Variants in BICC1 observed in about 807,000 individuals in gnomAD.
BICC1 encodes the protein BicC family RNA binding protein 1.
A neutral mutation model predicts 111.0 loss-of-function variants in BICC1; 43 were observed. That is an observed-to-expected ratio of 0.39 (90% confidence interval 0.30 to 0.50). The LOEUF (loss-of-function observed/expected upper bound fraction) is 0.50. Ranked by LOEUF, BICC1 falls within the 20% of genes least tolerant of loss-of-function variation. The pLI is 0.88. For synonymous variants in BICC1, 467 were observed against 434.4 expected (o/e 1.07, Z -0.93); for missense variants, 1,091 against 1,203.2 (o/e 0.91, Z 1.38).
intron 1 of BICC1, among the ~76,000 whole-genome samples, chr10:58,515,565 C>T (rs934069526): frequency 2.0e-5 from 3 of 152,062 alleles, no homozygotes; most frequent in Admixed American, 6.5e-5. Flanking sequence ...CATCACTAGG[C>T]GATAGGAATT....
At chr10:58,514,620 T>C (rs1842191564) in intron 1 of BICC1, among the ~76,000 whole-genome samples, 1 of 152,216 alleles carries the variant, frequency 6.6e-6, no homozygotes, top group East Asian at 1.9e-4. Flanking sequence ...TTGTTGCTTA[T>C]TTTTATTGAC....
intron 1 of BICC1, among the ~76,000 whole-genome samples, chr10:58,542,824 G>C (rs1843030184): frequency 6.6e-6 from 1 of 150,404 alleles, no homozygotes; most frequent in African/African-American, 2.5e-5. Context: ...GTATCACCTT[G>C]CACTCATTAG....
intron 2 of BICC1, among the ~76,000 whole-genome samples, chr10:58,693,874 C>G (rs1261818922): frequency 6.6e-6 from 1 of 152,112 alleles, no homozygotes; most frequent in Non-Finnish European, 1.5e-5. Context: ...AATTAGATCC[C>G]ATTTGTCAAT....
At chr10:58,536,001 A>C (rs2131868016) in intron 1 of BICC1, among the ~76,000 whole-genome samples, 1 of 151,916 alleles carries the variant, frequency 6.6e-6, no homozygotes, top group African/African-American at 2.4e-5. Flanking sequence ...TACAATGATA[A>C]AAGGATCCAA....
chr10:58,813,573 C>CA (rs956298285), intron 17 of BICC1, among the ~76,000 whole-genome samples: 24 of 152,162 alleles, frequency 1.6e-4, no homozygotes, highest in Admixed American at 3.9e-4. Context: ...CGGAGGCTCT[C>CA]AGAACTCTCC....
chr10:58,521,768 GTT>G (rs573116230), intron 1 of BICC1, among the ~76,000 whole-genome samples: 274 of 112,408 alleles, frequency 2.4e-3, no homozygotes, highest in Non-Finnish European at 3.8e-3. Flanking sequence ...GGAATGTGGT[GTT>G]TTTTTTTTTT....
At chr10:58,567,677 A>G (rs1843811837) in intron 1 of BICC1, among the ~76,000 whole-genome samples, 1 of 152,032 alleles carries the variant, frequency 6.6e-6, no homozygotes, top group Non-Finnish European at 1.5e-5. Flanking sequence ...CTGTAATTGC[A>G]TAGCTAAGAC....
chr10:58,750,032 C>T (rs1189379852), intron 3 of BICC1, among the ~76,000 whole-genome samples: 2 of 152,080 alleles, frequency 1.3e-5, no homozygotes, highest in African/African-American at 2.4e-5. Flanking sequence ...TGGTGTTTGA[C>T]ATGGACTTTG....
intron 1 of BICC1, among the ~76,000 whole-genome samples, chr10:58,607,103 G>A (rs945444034): frequency 3.9e-5 from 6 of 151,964 alleles, no homozygotes; most frequent in Middle Eastern, 3.2e-3. Flanking sequence ...GATCAGCTGC[G>A]GTTGGGAGTT....
chr10:58,776,918 C>T lies in BICC1; in HGVS notation c.308-8083C>T, dbSNP rs556230090. On this transcript the variant is annotated intron_variant, in intron 3 of 20. Transcript: ENST00000373886. ...TAGGCTTTTTGTTTCTTTCTTTTTCCACCCTCCGTGTTCCAAAGCTGGATT... is the reference window on the plus strand; with the variant it reads ...TAGGCTTTTTGTTTCTTTCTTTTTCTACCCTCCGTGTTCCAAAGCTGGATT... 3.3e-5 allele frequency among the ~76,000 whole-genome samples: 5 copies of T among 152,120 alleles called. No individual in the cohort carries two copies. In the South Asian group the frequency reaches 8.3e-4, roughly 25 times the overall value.
chr10:58,601,937 T>C (rs954628723), intron 1 of BICC1, among the ~76,000 whole-genome samples: 1 of 152,208 alleles, frequency 6.6e-6, no homozygotes, highest in South Asian at 2.1e-4. Context: ...CTAGAGAATG[T>C]TTACATTATA....
intron 1 of BICC1, among the ~76,000 whole-genome samples, chr10:58,520,747 A>G (rs1424519058): frequency 2.6e-5 from 4 of 152,172 alleles, no homozygotes; most frequent in Non-Finnish European, 5.9e-5. Context: ...ACAAACCTAT[A>G]TAGAATACTT....
intron 14 of BICC1, 141 bp downstream of exon 14, chr10:58,801,187 A>G: frequency 1.5e-6 from 1 of 670,614 alleles, no homozygotes; most frequent in Non-Finnish European, 2.2e-6. Flanking sequence ...TTTAAAAAAA[A>G]TATTAAGGAA....
At chr10:58,576,947 A>C (rs201915425) in intron 1 of BICC1, among the ~76,000 whole-genome samples, 2 of 152,110 alleles carry the variant, frequency 1.3e-5, no homozygotes, top group East Asian at 3.9e-4. Flanking sequence ...AGACTTGTGG[A>C]TGAGGGGAGG....
intron 1 of BICC1, among the ~76,000 whole-genome samples, chr10:58,521,111 G>T (rs574463116): frequency 6.6e-6 from 1 of 152,026 alleles, no homozygotes. Flanking sequence ...TTCTTTTGTT[G>T]TAGTATACTT....
intron 1 of BICC1, among the ~76,000 whole-genome samples, chr10:58,615,579 A>C (rs1226783435): frequency 6.6e-6 from 1 of 152,154 alleles, no homozygotes; most frequent in Non-Finnish European, 1.5e-5. Flanking sequence ...AGACAGAATA[A>C]AGCCACGTTG....
intron 3 of BICC1, chr10:58,715,678 A>G: frequency 6.3e-7 from 1 of 1,596,152 alleles, no homozygotes; most frequent in East Asian, 2.2e-5. Flanking sequence ...CCTACCTGGG[A>G]AGAAGTAAAA....
intron 1 of BICC1, among the ~76,000 whole-genome samples, chr10:58,616,741 G>A (rs1313326422): frequency 1.3e-5 from 2 of 152,228 alleles, no homozygotes; most frequent in Non-Finnish European, 2.9e-5. Flanking sequence ...GGTGGACTTG[G>A]CCAATGCATT....
chr10:58,820,449 A>G lies in BICC1; in HGVS notation c.2775A>G (p.Lys925=). ...TAACTACTTTTGGTGCCAGGAGGAAAATGCTGCTTGCAATTTCAGGTGAAT... is the reference window on the plus strand; with the variant it reads ...TAACTACTTTTGGTGCCAGGAGGAAGATGCTGCTTGCAATTTCAGGTGAAT... ...LGITTFGARR[K]MLLAISELNK... The change falls in exon 20 of 21, where the codon AAA becomes AAG. Residue 925 remains lysine (K), a synonymous_variant. Transcript: ENST00000373886. 6.2e-7 allele frequency: 1 copy of G among 1,609,798 alleles called. No individual in the cohort carries two copies. The highest frequency in any genetic ancestry group is 8.5e-7 in the Non-Finnish European group (1 of 1,176,538).
Sources: gnomAD v4.1 joint callset for allele counts (sites outside exome capture counted in the v4.1 genomes callset) on GRCh38, gnomAD v4.1.1 for gene constraint, MANE v1.5 for transcripts, NCBI Gene and HGNC (gene_info 2026-07-23, HGNC 2026-07-21) for gene names.